The following BTN3A3 variants were observed in gnomAD, a reference collection of about 807,000 sequenced individuals.
The protein encoded by BTN3A3 is butyrophilin subfamily 3 member A3.
Under a neutral mutation model 43.2 loss-of-function variants are expected in BTN3A3, and 39 were observed. The observed-to-expected ratio is 0.90, with a 90% CI of 0.70 to 1.18. The LOEUF (loss-of-function observed/expected upper bound fraction) is 1.18, where lower values mean the gene tolerates loss of function less well. Among genes scored for constraint, BTN3A3 ranks in the 50% most tolerant of loss-of-function variants. The pLI is 0.00. For synonymous variants in BTN3A3, 255 were observed against 272.7 expected, an observed-to-expected ratio of 0.93 and a Z score of 0.64; for missense variants, 631 against 722.8, an observed-to-expected ratio of 0.87 and a Z score of 1.46.
intron 9 of BTN3A3, among the ~76,000 whole-genome samples, chr6:26,449,889 C>A (rs1254607880): frequency 1.3e-5 from 2 of 152,142 alleles, no homozygotes; most frequent in Non-Finnish European, 1.5e-5. Flanking sequence ...CCAGGCAAAG[C>A]ATAACCATGC....
chr6:26,448,027 G>A (rs975632697), intron 5 of BTN3A3, among the ~76,000 whole-genome samples: 2 of 152,118 alleles, frequency 1.3e-5, no homozygotes, highest in Non-Finnish European at 2.9e-5. Flanking sequence ...ATTTCCATAC[G>A]AGAGGCAGAC....
intron 10 of BTN3A3, 149 bp downstream of exon 10, chr6:26,450,282 G>A (rs1050568754): frequency 2.1e-6 from 2 of 953,962 alleles, no homozygotes; most frequent in East Asian, 5.2e-5. Flanking sequence ...CTGAAAAGTG[G>A]GCCCATCTCC....
intron 5 of BTN3A3, among the ~76,000 whole-genome samples, chr6:26,447,672 T>C (rs958329608): frequency 1.3e-5 from 2 of 152,200 alleles, no homozygotes; most frequent in African/African-American, 2.4e-5. Flanking sequence ...TAGGCCCTTT[T>C]AAAGTATTAA....
intron 10 of BTN3A3, among the ~76,000 whole-genome samples, chr6:26,450,916 AAC>A (rs1013397577): frequency 6.6e-6 from 1 of 152,182 alleles, no homozygotes; most frequent in Non-Finnish European, 1.5e-5. Flanking sequence ...CAGGAGAATA[AAC>A]AGTGTGTCTC....
intron 4 of BTN3A3, chr6:26,445,260 C>T: frequency 5.7e-6 from 1 of 176,202 alleles, no homozygotes. Context: ...CAGTGCAATC[C>T]CTTGCCTCAT....
rs1465909613 is a variant in BTN3A3, at chr6:26,451,655, C to A, written c.1019-20C>A. On this transcript the variant is annotated intron_variant, in intron 10 of 10. Coordinates refer to ENST00000244519, the MANE Select transcript of BTN3A3 (RefSeq NM_006994.5). ...GGAAAAATGGCTGACCCCATGGACA[C>A]CTCCTCAAACTCTCTGCAGCGGATG... The A allele has an allele frequency of 2.5e-6, 4 of 1,595,048 alleles. No individual in the cohort carries two copies. The highest frequency in any genetic ancestry group is 3.4e-6 in the Non-Finnish European group (4 of 1,169,836).
chr6:26,442,663 A>G (rs1762669104), intron 1 of BTN3A3, among the ~76,000 whole-genome samples: 1 of 152,200 alleles, frequency 6.6e-6, no homozygotes, highest in Admixed American at 6.5e-5. Flanking sequence ...TCAGTCGGTT[A>G]CCACTTTTAT....
At chr6:26,444,719 C>T in intron 4 of BTN3A3, 1 of 303,064 alleles carries the variant, frequency 3.3e-6, no homozygotes, top group Non-Finnish European at 6.3e-6. Flanking sequence ...GTTTTCCAAT[C>T]AGTGACTCCC....
In BTN3A3 at chr6:26,452,625, A is replaced by T. The variant is rs892879898; in HGVS notation, c.*214A>T. On this transcript the variant is annotated 3_prime_UTR_variant, in exon 11 of 11. Transcript: ENST00000244519. The stretch of plus-strand genomic sequence containing the variant: ...AGTGCTGTGTTATAAGCTTTGGTGG[A>T]TGTCACTCCTTTAATCCTCACAACA... 6 of 540,472 alleles carry T rather than the reference A, an allele frequency of 1.1e-5. No homozygotes were observed. Among genetic ancestry groups the T allele is most frequent in the Non-Finnish European group, 1.9e-5 (6 of 309,964 alleles). 33.5% of individuals were successfully genotyped at this position (540,472 alleles called of 1,614,324 possible).
rs1329427986 is a variant in BTN3A3 at position 26,452,882 on chromosome 6, T to G, written c.*471T>G. 6.1e-6 allele frequency: 1 copy of G among 164,324 alleles called. No individual in the cohort carries two copies. The highest frequency in any genetic ancestry group is 1.7e-4 in the East Asian group (1 of 5,748). 10.2% of individuals were successfully genotyped at this position (164,324 alleles called of 1,614,324 possible). A position where few individuals can be genotyped will look rare whatever the true frequency, so the allele number is the denominator to read the frequency against. On this transcript the variant is annotated 3_prime_UTR_variant, in exon 11 of 11. Transcript: ENST00000244519. ...GGGTAGAGATCATTTTAAGTGCTTGTGGAGTTGACATCCCTATTGACTCTT... is the reference window on the plus strand; with the variant it reads ...GGGTAGAGATCATTTTAAGTGCTTGGGGAGTTGACATCCCTATTGACTCTT...
At position 26,445,748 on chromosome 6, in the gene BTN3A3, G is replaced by A. The variant is rs1291895147; in HGVS notation, c.478G>A (p.Gly160Arg). The A allele has an allele frequency of 6.2e-7, 1 of 1,614,176 alleles. No individual in the cohort carries two copies. The highest frequency in any genetic ancestry group is 8.5e-7 in the Non-Finnish European group (1 of 1,180,020). Residue 160 changes from glycine to arginine, a missense_variant, in exon 5 of 11, where the codon GGA becomes AGA. Physicochemically the swap from Gly to Arg is moderately radical, Grantham distance 125. Transcript: ENST00000244519. ...CATTGAAGTGAAGGGTTATGAGGAT[G>A]GAGGGATCCATCTGGAGTGCAGGTC... ...LHIEVKGYED[G>R]GIHLECRSTG...
intron 5 of BTN3A3, among the ~76,000 whole-genome samples, chr6:26,446,902 T>C (rs374559623): frequency 1.3e-5 from 2 of 152,198 alleles, no homozygotes; most frequent in East Asian, 3.9e-4. Context: ...ATAATTTTTA[T>C]ATTTTTACTA....
At chr6:26,446,910 C>G (rs570443916) in intron 5 of BTN3A3, among the ~76,000 whole-genome samples, 3 of 152,022 alleles carry the variant, frequency 2.0e-5, no homozygotes, top group African/African-American at 7.2e-5. Flanking sequence ...TATATTTTTA[C>G]TAGAGATGTG....
In BTN3A3 at chr6:26,451,766, T is replaced by C. The variant is rs1322656000; in HGVS notation, c.1110T>C (p.Asp370=). Residue 370 remains aspartate, a synonymous_variant, in exon 11 of 11, where the codon GAT becomes GAC. Transcript: ENST00000244519. ...RSVQRAEEPR[D]LPDNPERFEW... ...TGCAGCGTGCTGAAGAGCCGCGGGATCTGCCAGACAACCCTGAGAGATTTG... is the reference window on the plus strand; with the variant it reads ...TGCAGCGTGCTGAAGAGCCGCGGGACCTGCCAGACAACCCTGAGAGATTTG... The C allele has an allele frequency of 5.6e-6, 9 of 1,614,074 alleles. No homozygotes were observed. The highest frequency in any genetic ancestry group is 6.8e-6 in the Non-Finnish European group (8 of 1,179,916).
intron 10 of BTN3A3, 106 bp from the exon 11 acceptor site, chr6:26,451,569 A>G (rs1330635732): frequency 6.7e-7 from 1 of 1,501,080 alleles, no homozygotes; most frequent in Non-Finnish European, 8.9e-7. Flanking sequence ...TAGGGACGCC[A>G]GGTTCTGGAA....
rs553882831 is a variant in BTN3A3, at chr6:26,452,687, T to A, written c.*276T>A. ...AGTCATATTTTGCAAGTATGGAAGC[T>A]GAGGCAGGGCAACATGAAGTAACTT... On this transcript the variant is annotated 3_prime_UTR_variant, in exon 11 of 11. Coordinates refer to ENST00000244519, the MANE Select transcript of BTN3A3 (RefSeq NM_006994.5). The A allele has an allele frequency of 2.6e-6, 1 of 389,500 alleles. No individual in the cohort carries two copies. The highest frequency in any genetic ancestry group is 2.0e-5 in the African/African-American group (1 of 49,318). The allele number at this position is 389,500 out of a possible 1,614,324, so 24.1% of individuals were successfully genotyped here.
intron 10 of BTN3A3, 81 bp from the exon 11 acceptor site, chr6:26,451,594 T>C: frequency 6.5e-7 from 1 of 1,535,324 alleles, no homozygotes; most frequent in Non-Finnish European, 8.7e-7. Flanking sequence ...CTCCTTAGCA[T>C]GGTCCAGGCC....
Position 26,446,004 on chromosome 6 carries a change from C to G in BTN3A3, c.715+19C>G. 1 of 1,613,170 alleles carries G rather than the reference C, an allele frequency of 6.2e-7. No individual in the cohort carries two copies. Among genetic ancestry groups the G allele is most frequent in the Non-Finnish European group, 8.5e-7 (1 of 1,179,284 alleles). ...ATCGCAGGTCAGTACCCTGCTTGGC[C>G]TCAGCTTTACTGAGCTGAGCTGTGG... On this transcript the variant is annotated intron_variant, in intron 5 of 10. Transcript: ENST00000244519.
Position 26,452,312 on chromosome 6 carries a change from A to G in BTN3A3, c.1656A>G (p.Thr552=). 1 of 1,613,760 alleles carries G rather than the reference A, an allele frequency of 6.2e-7. No homozygotes were observed. The highest frequency in any genetic ancestry group is 8.5e-7 in the Non-Finnish European group (1 of 1,180,004). Reference sequence around the variant, plus strand: ...GTGGGGAGCCTCAGGCTGAAGTAACATCTCTGCTTCTCCCTGCCCACCCTG... The same window carrying G: ...GTGGGGAGCCTCAGGCTGAAGTAACGTCTCTGCTTCTCCCTGCCCACCCTG... ...NESGEPQAEV[T]SLLLPAHPGA... is the part of the protein sequence containing the mutation. Residue 552 remains threonine (T), a synonymous_variant, in exon 11 of 11, where the codon ACA becomes ACG. Coordinates refer to ENST00000244519, the MANE Select transcript of BTN3A3 (RefSeq NM_006994.5).
Sources: gnomAD v4.1 joint callset for allele counts (sites outside exome capture counted in the v4.1 genomes callset) on GRCh38, gnomAD v4.1.1 for gene constraint, MANE v1.5 for transcripts, NCBI Gene and HGNC (gene_info 2026-07-23, HGNC 2026-07-21) for gene names.